CEP95: variants seen among roughly 807,000 people sequenced by gnomAD.
The protein encoded by CEP95 is centrosomal protein 95, also known as centrosomal protein of 95 kDa.
Under a neutral mutation model 111.2 loss-of-function variants are expected in CEP95, and 98 were observed. The ratio of observed to expected loss-of-function variants is 0.88; its 90% confidence interval spans 0.75 to 1.04. CEP95 has a LOEUF of 1.04. Among genes scored for constraint, CEP95 ranks in the 50% least tolerant of loss-of-function variants. The pLI is 0.00. For synonymous variants in CEP95, 323 were observed against 327.1 expected, an observed-to-expected ratio of 0.99 and a Z score of 0.14; for missense variants, 1,027 against 977.2, an observed-to-expected ratio of 1.05 and a Z score of -0.68.
At chr17:64,507,360 G>C in intron 1 of CEP95, 2 of 1,414,962 alleles carry the variant, frequency 1.4e-6, no homozygotes, top group Non-Finnish European at 1.8e-6. Flanking sequence ...TAGGACACTT[G>C]GGTCCTGGCT....
chr17:64,527,681 T>C (rs1299797338), intron 11 of CEP95, among the ~76,000 whole-genome samples: 3 of 152,172 alleles, frequency 2.0e-5, no homozygotes, highest in African/African-American at 7.2e-5. Context: ...CGTTTTTTTC[T>C]GACATTGTCT....
In CEP95 at chr17:64,519,417, CT is replaced by C; in HGVS notation, c.574del (p.Ser192LeufsTer2). On this transcript the variant is annotated frameshift_variant, in exon 6 of 20. Coordinates refer to ENST00000556440, the MANE Select transcript of CEP95 (RefSeq NM_138363.3). LOFTEE classifies it high-confidence loss of function. The part of the protein sequence containing the change: ...IIRLGDTAHT[F>X]SLRSNGAQCP... ...TTAGACTTGGAGACACAGCACACAC[CT>C]TTTCTCTAAGAAGTAATGGTGAGTA... is the stretch of plus-strand genomic sequence containing the variant. 6.2e-7 allele frequency: 1 copy of C among 1,612,724 alleles called. No homozygotes were observed. The highest frequency in any genetic ancestry group is 8.5e-7 in the Non-Finnish European group (1 of 1,178,780).
rs1197791475 is a variant in CEP95, at chr17:64,532,485, A to G, written c.1673-354A>G. 39 of 985,234 alleles carry G rather than the reference A, an allele frequency of 4.0e-5. No homozygotes were observed. In the South Asian group the frequency reaches 9.4e-4, roughly 24 times the overall value. The allele number at this position is 985,234 out of a possible 1,614,324, so 61.0% of individuals were successfully genotyped here. ...CAAAGACTGCTGGCCCTCCTACTCT[A>G]TCCTTTAGACCAGAAACTTTTTCTT... is the stretch of plus-strand genomic sequence containing the variant. On this transcript the variant is annotated intron_variant, in intron 14 of 19. Transcript: ENST00000556440.
intron 10 of CEP95, among the ~76,000 whole-genome samples, chr17:64,526,622 T>C (rs1967843155): frequency 6.6e-6 from 1 of 152,198 alleles, no homozygotes; most frequent in South Asian, 2.1e-4. Flanking sequence ...TTCTAAAGTT[T>C]ATTGAAACTT....
At chr17:64,537,276 A>C in intron 19 of CEP95, 164 bp downstream of exon 19, 1 of 1,401,898 alleles carries the variant, frequency 7.1e-7, no homozygotes, top group Non-Finnish European at 9.4e-7. Flanking sequence ...ATTTTGCACA[A>C]CAACAAAATC....
intron 15 of CEP95, 43 bp from the exon 16 acceptor site, chr17:64,533,074 G>C: frequency 6.2e-7 from 1 of 1,604,680 alleles, no homozygotes. Flanking sequence ...AGAATTTAGT[G>C]AACAGCATTA....
chr17:64,516,857 A>C, intron 5 of CEP95, 29 bp downstream of exon 5: 1 of 1,313,204 alleles, frequency 7.6e-7, no homozygotes, highest in Middle Eastern at 1.8e-4. Flanking sequence ...GAATTTGATG[A>C]AAACAAGTTA....
At chr17:64,512,475 A>G (rs1490776625) in intron 3 of CEP95, among the ~76,000 whole-genome samples, 1 of 152,200 alleles carries the variant, frequency 6.6e-6, no homozygotes, top group Non-Finnish European at 1.5e-5. Flanking sequence ...TTTATAAATC[A>G]CTGTATTATG....
chr17:64,509,131 T>G (rs1363318582), intron 2 of CEP95, among the ~76,000 whole-genome samples: 2 of 152,192 alleles, frequency 1.3e-5, no homozygotes, highest in Non-Finnish European at 2.9e-5. Flanking sequence ...TTCTGTTACT[T>G]AACCAGTGCT....
chr17:64,537,283 A>ATC (rs1555681800), intron 19 of CEP95, 171 bp downstream of exon 19: 2 of 1,407,016 alleles, frequency 1.4e-6, no homozygotes, highest in East Asian at 5.1e-5. Context: ...ACAACAACAA[A>ATC]ATCATTTAAT....
Position 64,508,618 on chromosome 17 carries a change from C to G in CEP95, c.46C>G (p.Leu16Val), listed in dbSNP as rs1340347319. ...AEWVTIANNLLFKCHIHLRIH... is the reference protein window; with the variant it reads ...AEWVTIANNLVFKCHIHLRIH... ...GTGGGTAACCATTGCCAATAACCTT[C>G]TTTTTAAGTGTCATATACATCTGAG... Residue 16 changes from leucine (L) to valine (V), a missense_variant, in exon 2 of 20, where the codon CTT (leucine) becomes GTT (valine). Leu to Val is a conservative substitution (Grantham distance 32). Coordinates refer to ENST00000556440, the MANE Select transcript of CEP95 (RefSeq NM_138363.3). The G allele has an allele frequency of 5.6e-6, 8 of 1,432,154 alleles. No individual in the cohort carries two copies. Among genetic ancestry groups the G allele is most frequent in the African/African-American group, 2.9e-5 (2 of 68,560 alleles). 88.7% of individuals were successfully genotyped at this position (1,432,154 alleles called of 1,614,324 possible).
At chr17:64,523,323 T>C (rs1464989329) in intron 8 of CEP95, among the ~76,000 whole-genome samples, 7 of 152,154 alleles carry the variant, frequency 4.6e-5, no homozygotes, top group Non-Finnish European at 8.8e-5. Context: ...AGGGCAAGGT[T>C]ACACAGCAAT....
chr17:64,529,530 T>A (rs561006194), intron 12 of CEP95, 103 bp downstream of exon 12: 1 of 1,210,896 alleles, frequency 8.3e-7, no homozygotes, highest in Non-Finnish European at 1.2e-6. Flanking sequence ...TAAAATACAT[T>A]TAATATTCTT....
At position 64,511,820 on chromosome 17, in the gene CEP95, A is replaced by G. The variant is rs531623861; in HGVS notation, c.256+1540A>G. 5.3e-5 allele frequency among the ~76,000 whole-genome samples: 8 copies of G among 152,354 alleles called. No individual in the cohort carries two copies. The South Asian group carries it at 1.7e-3, about 32-fold the overall frequency. ...GTAAAGACAGGCATAAGAAGTTATA[A>G]AAGTATTAATTTGGGGAACTAATAA... On this transcript the variant is annotated intron_variant, in intron 3 of 19. Transcript: ENST00000556440.
chr17:64,513,608 G>C (rs1260595710), intron 3 of CEP95, among the ~76,000 whole-genome samples: 1 of 152,160 alleles, frequency 6.6e-6, no homozygotes, highest in Non-Finnish European at 1.5e-5. Context: ...ATTTAAAAAG[G>C]TTTTATATGC....
intron 11 of CEP95, among the ~76,000 whole-genome samples, chr17:64,527,880 A>ATATATATATATT (rs1555679469): frequency 7.0e-6 from 1 of 142,296 alleles, no homozygotes; most frequent in Non-Finnish European, 1.5e-5. Context: ...GTATATATAT[A>ATATATATATATT]TATATATATA....
chr17:64,520,600 T>A (rs1006112720), intron 6 of CEP95: 7 of 152,122 alleles, frequency 4.6e-5, no homozygotes, highest in African/African-American at 1.2e-4. Flanking sequence ...GCCCAGCTGA[T>A]TTTTGTATTT....
intron 3 of CEP95, among the ~76,000 whole-genome samples, chr17:64,510,931 A>G (rs781841611): frequency 2.6e-5 from 4 of 152,346 alleles, no homozygotes; most frequent in Middle Eastern, 3.4e-3. Flanking sequence ...ATAAAGGGAC[A>G]GAGTACAAAA....
At chr17:64,519,093 TAG>T (rs1371769098) in intron 5 of CEP95, among the ~76,000 whole-genome samples, 13 of 152,234 alleles carry the variant, frequency 8.5e-5, no homozygotes, top group African/African-American at 3.1e-4. Flanking sequence ...TCCCACACCC[TAG>T]AGTCACCAGT....
Sources: allele counts gnomAD v4.1 joint callset (sites outside exome capture counted in the v4.1 genomes callset), GRCh38; gene constraint gnomAD v4.1.1; transcripts MANE v1.5; gene names NCBI Gene and HGNC (gene_info 2026-07-23, HGNC 2026-07-21).